GRID2: variants seen among roughly 807,000 people sequenced by gnomAD.
GRID2 encodes the protein glutamate ionotropic receptor delta type subunit 2.
GRID2 carries 33 observed loss-of-function variants against 114.8 expected under a neutral mutation model. The ratio of observed to expected loss-of-function variants is 0.29; its 90% CI spans 0.22 to 0.38. The LOEUF is 0.38. Ranked by LOEUF, GRID2 falls within the 10% of genes least tolerant of loss-of-function variation. The probability of loss-of-function intolerance (pLI) is 1.00; values close to 1 mark genes in which losing one functional copy is unlikely to be tolerated. For missense variants in GRID2, 1,184 were observed against 1,257.7 expected, an observed-to-expected ratio of 0.94 and a Z score of 0.89; for synonymous variants, 505 against 449.9, an observed-to-expected ratio of 1.12 and a Z score of -1.55.
At chr4:92,684,905 TAA>T (rs1733828427) in intron 2 of GRID2, among the ~76,000 whole-genome samples, 1 of 152,076 alleles carries the variant, frequency 6.6e-6, no homozygotes, top group South Asian at 2.1e-4. Flanking sequence ...TAATTTATAT[TAA>T]GTCTTGCAGT....
intron 8 of GRID2, among the ~76,000 whole-genome samples, chr4:93,256,777 C>A (rs938564295): frequency 6.6e-6 from 1 of 151,646 alleles, no homozygotes; most frequent in African/African-American, 2.4e-5. Context: ...ATATGTACTG[C>A]GAGGGAAAAG....
At chr4:92,914,456 G>A (rs1748630756) in intron 2 of GRID2, among the ~76,000 whole-genome samples, 1 of 152,042 alleles carries the variant, frequency 6.6e-6, no homozygotes, top group Non-Finnish European at 1.5e-5. Context: ...TGTAAGTGCA[G>A]GTTTGTTACA....
intron 4 of GRID2, among the ~76,000 whole-genome samples, chr4:93,145,197 TTTAG>T: frequency 6.6e-6 from 1 of 152,206 alleles, no homozygotes; most frequent in South Asian, 2.1e-4. Context: ...CACCATATAT[TTTAG>T]TTACTTATTT....
chr4:93,094,625 A>T (rs548704726), intron 3 of GRID2, among the ~76,000 whole-genome samples: 1 of 152,198 alleles, frequency 6.6e-6, no homozygotes, highest in Non-Finnish European at 1.5e-5. Context: ...ATATTGAATT[A>T]GTATCTGGAG....
At chr4:93,749,952 G>A (rs1472696789) in intron 14 of GRID2, among the ~76,000 whole-genome samples, 2 of 152,228 alleles carry the variant, frequency 1.3e-5, no homozygotes, top group East Asian at 1.9e-4. Context: ...TTGCTACAGA[G>A]TGAACAATGC....
At chr4:92,836,782 CTTAGT>C (rs1742490892) in intron 2 of GRID2, among the ~76,000 whole-genome samples, 1 of 152,008 alleles carries the variant, frequency 6.6e-6, no homozygotes. Flanking sequence ...ACTTAATTGA[CTTAGT>C]TTAGTATTTG....
chr4:93,801,706 G>T (rs966021670), intron 1 of GRID2, among the ~76,000 whole-genome samples: 1 of 152,068 alleles, frequency 6.6e-6, no homozygotes, highest in African/African-American at 2.4e-5. Flanking sequence ...ATTTTTAATG[G>T]AAAGTAATGA....
chr4:93,411,721 C>T (rs566219952), intron 9 of GRID2, among the ~76,000 whole-genome samples: 4 of 151,920 alleles, frequency 2.6e-5, no homozygotes, highest in African/African-American at 7.3e-5. Flanking sequence ...CATGAGCCAC[C>T]GTGACCAGCT....
chr4:92,920,940 T>C (rs1749267703), intron 2 of GRID2, among the ~76,000 whole-genome samples: 1 of 152,190 alleles, frequency 6.6e-6, no homozygotes, highest in African/African-American at 2.4e-5. Flanking sequence ...TCCTGCAGAG[T>C]GTTTTCCAAC....
Position 92,803,422 on chromosome 4 carries a change from A to G in GRID2, c.244+213136A>G, listed in dbSNP as rs192608696. Among the ~76,000 whole-genome samples, 362 of 152,140 alleles carry G rather than the reference A, an allele frequency of 2.4e-3. 1 individual carries two copies. The highest frequency in any genetic ancestry group is 8.0e-3 in the African/African-American group (333 of 41,556). On this transcript the variant is annotated intron_variant, in intron 2 of 15. Transcript: ENST00000282020. ...TTATATAGATTCAATGTTAAATATAACAAAGACGGGAAAGAAAATATATTA... is the reference window on the plus strand; with the variant it reads ...TTATATAGATTCAATGTTAAATATAGCAAAGACGGGAAAGAAAATATATTA...
intron 4 of GRID2, among the ~76,000 whole-genome samples, chr4:93,153,146 A>G (rs1470328544): frequency 6.6e-6 from 1 of 152,142 alleles, no homozygotes; most frequent in Non-Finnish European, 1.5e-5. Flanking sequence ...GACTGGAGGT[A>G]AAATTAACAA....
intron 1 of GRID2, among the ~76,000 whole-genome samples, chr4:92,345,181 C>T (rs1353893887): frequency 1.3e-5 from 2 of 152,202 alleles, no homozygotes; most frequent in Non-Finnish European, 2.9e-5. Context: ...ATAATAGCTT[C>T]CAGCTCTTAT....
At chr4:92,616,374 T>G (rs1368121312) in intron 2 of GRID2, among the ~76,000 whole-genome samples, 1 of 151,598 alleles carries the variant, frequency 6.6e-6, no homozygotes, top group African/African-American at 2.4e-5. Flanking sequence ...TTGTAACTGA[T>G]GAGTTACATT....
At chr4:92,554,871 T>G (rs751298919) in intron 1 of GRID2, among the ~76,000 whole-genome samples, 1 of 152,176 alleles carries the variant, frequency 6.6e-6, no homozygotes, top group Non-Finnish European at 1.5e-5. Flanking sequence ...TTTTACTGGT[T>G]GGCCCTCAAT....
chr4:93,233,197 G>A (rs565426594), intron 7 of GRID2, among the ~76,000 whole-genome samples: 2 of 152,062 alleles, frequency 1.3e-5, no homozygotes, highest in South Asian at 4.1e-4. Context: ...TAAGCCCAAG[G>A]CAGCCAGAAT....
intron 8 of GRID2, among the ~76,000 whole-genome samples, chr4:93,245,233 A>G (rs1748067906): frequency 1.3e-5 from 2 of 152,254 alleles, no homozygotes; most frequent in Admixed American, 1.3e-4. Flanking sequence ...TAATGAATGA[A>G]CTAATGAATA....
At chr4:93,080,289 A>G (rs1350064125) in intron 2 of GRID2, among the ~76,000 whole-genome samples, 1 of 152,192 alleles carries the variant, frequency 6.6e-6, no homozygotes, top group African/African-American at 2.4e-5. Flanking sequence ...TAATTAGATT[A>G]TATTTAGTCA....
downstream of GRID2, among the ~76,000 whole-genome samples, chr4:93,776,411 T>C (rs1394839716): frequency 6.6e-6 from 1 of 152,242 alleles, no homozygotes; most frequent in Non-Finnish European, 1.5e-5. Context: ...CTATAATTTA[T>C]AGAAGATTTG....
At chr4:93,629,349 T>C (rs2149695328) in intron 14 of GRID2, among the ~76,000 whole-genome samples, 1 of 152,316 alleles carries the variant, frequency 6.6e-6, no homozygotes, top group Admixed American at 6.5e-5. Context: ...CCTGATTCCC[T>C]GGACATATGG....
Sources: allele counts gnomAD v4.1 joint callset (sites outside exome capture counted in the v4.1 genomes callset), GRCh38; gene constraint gnomAD v4.1.1; transcripts MANE v1.5; gene names NCBI Gene and HGNC (gene_info 2026-07-23, HGNC 2026-07-21).